FOXP2: variants seen among roughly 807,000 people sequenced by gnomAD.
The protein encoded by FOXP2 is forkhead box P2.
Under a neutral mutation model 115.8 loss-of-function variants are expected in FOXP2, and 12 were observed. That is an observed-to-expected ratio of 0.10 (90% CI 0.07 to 0.17). FOXP2 has a LOEUF of 0.17. Ranked by LOEUF, FOXP2 falls within the 10% of genes least tolerant of loss-of-function variation. The probability of loss-of-function intolerance (pLI) is 1.00; values close to 1 mark genes in which losing one functional copy is unlikely to be tolerated. For missense variants in FOXP2, 629 were observed against 843.5 expected, an observed-to-expected ratio of 0.75 and a Z score of 3.15; for synonymous variants, 328 against 297.7, an observed-to-expected ratio of 1.10 and a Z score of -1.05.
chr7:114,146,476 A>T (rs957902930), intron 1 of FOXP2, among the ~76,000 whole-genome samples: 1 of 152,210 alleles, frequency 6.6e-6, no homozygotes, highest in Non-Finnish European at 1.5e-5. Flanking sequence ...CACTCTGTTA[A>T]TCAGTACAGG....
intron 3 of FOXP2, among the ~76,000 whole-genome samples, chr7:114,540,867 T>A (rs1167565080): frequency 6.6e-6 from 1 of 152,064 alleles, no homozygotes; most frequent in Non-Finnish European, 1.5e-5. Flanking sequence ...TAATAATGAA[T>A]GGGTTGGGGG....
At chr7:114,537,761 T>C (rs1459784213) in intron 3 of FOXP2, among the ~76,000 whole-genome samples, 6 of 151,676 alleles carry the variant, frequency 4.0e-5, no homozygotes, top group African/African-American at 1.4e-4. Context: ...GATATCTGAA[T>C]ATATGTATTT....
At chr7:114,616,907 A>G (rs940386027) in intron 3 of FOXP2, among the ~76,000 whole-genome samples, 4 of 151,932 alleles carry the variant, frequency 2.6e-5, no homozygotes, top group Admixed American at 1.3e-4. Flanking sequence ...AGGCCCTCCC[A>G]TCTCTAAAAA....
chr7:114,659,206 A>C (rs759452140), intron 11 of FOXP2, 150 bp from the exon 12 acceptor site: 1 of 665,556 alleles, frequency 1.5e-6, no homozygotes, highest in Non-Finnish European at 2.7e-6. Flanking sequence ...CCTTTTCCAT[A>C]TAATTCAATT....
At chr7:114,184,398 G>A (rs1389280369) in intron 1 of FOXP2, among the ~76,000 whole-genome samples, 3 of 151,992 alleles carry the variant, frequency 2.0e-5, no homozygotes, top group African/African-American at 4.8e-5. Flanking sequence ...TTTCTTACTC[G>A]TTATTTCCAT....
chr7:114,317,779 A>G (rs1425773755), intron 2 of FOXP2, among the ~76,000 whole-genome samples: 2 of 152,160 alleles, frequency 1.3e-5, no homozygotes, highest in Admixed American at 1.3e-4. Flanking sequence ...GATCTACAAA[A>G]CAGTATACAA....
chr7:114,351,184 T>A (rs1165487018), intron 2 of FOXP2, among the ~76,000 whole-genome samples: 1 of 152,186 alleles, frequency 6.6e-6, no homozygotes, highest in Non-Finnish European at 1.5e-5. Context: ...ATGGCCCATG[T>A]CTGTTGCAAT....
intron 2 of FOXP2, among the ~76,000 whole-genome samples, chr7:114,342,242 A>C (rs990596827): frequency 5.3e-5 from 8 of 151,354 alleles, no homozygotes; most frequent in Admixed American, 4.6e-4. Context: ...GTGGTTTTAA[A>C]TGTAAATTAT....
At chr7:114,665,745 A>T (rs1807127936) in intron 16 of FOXP2, 3 of 152,134 alleles carry the variant, frequency 2.0e-5, no homozygotes, top group Admixed American at 2.0e-4. Flanking sequence ...AACTCAAAGT[A>T]GAAAGAACAT....
At chr7:114,582,942 A>G (rs1465412171) in intron 3 of FOXP2, among the ~76,000 whole-genome samples, 2 of 152,204 alleles carry the variant, frequency 1.3e-5, no homozygotes, top group East Asian at 3.9e-4. Flanking sequence ...TGCCAAGATA[A>G]CATCTTTATA....
intron 1 of FOXP2, among the ~76,000 whole-genome samples, chr7:114,130,469 T>C (rs1173664031): frequency 6.6e-6 from 1 of 152,182 alleles, no homozygotes; most frequent in Non-Finnish European, 1.5e-5. Flanking sequence ...CGTTTATGAT[T>C]GAGGAAACAG....
chr7:114,552,951 G>A (rs1263055004), intron 3 of FOXP2, among the ~76,000 whole-genome samples: 1 of 151,936 alleles, frequency 6.6e-6, no homozygotes, highest in Non-Finnish European at 1.5e-5. Flanking sequence ...TCTGTTCTTG[G>A]TAAGAGATTG....
chr7:114,086,603 C>A (rs1584470141), upstream of FOXP2: 1 of 406,998 alleles, frequency 2.5e-6, no homozygotes, highest in Middle Eastern at 7.6e-4. Context: ...CACGGCGTCC[C>A]CGGTCGCGGT....
At chr7:114,303,115 C>G (rs1796915172) in intron 2 of FOXP2, among the ~76,000 whole-genome samples, 1 of 152,084 alleles carries the variant, frequency 6.6e-6, no homozygotes, top group Admixed American at 6.6e-5. Flanking sequence ...TCAAGTTAGT[C>G]ATAATTTGTT....
chr7:114,580,157 A>G (rs918428491), intron 3 of FOXP2, among the ~76,000 whole-genome samples: 8 of 152,228 alleles, frequency 5.3e-5, no homozygotes, highest in African/African-American at 1.7e-4. Context: ...TCCTTAGAGC[A>G]ATAGAAAGCA....
intron 2 of FOXP2, among the ~76,000 whole-genome samples, chr7:114,452,092 A>AATT (rs764425025): frequency 1.7e-3 from 254 of 152,176 alleles, no homozygotes; most frequent in Non-Finnish European, 2.7e-3. Flanking sequence ...CAAAAATCAT[A>AATT]GGTAAATTTG....
chr7:114,291,254 T>C (rs1245294165), intron 2 of FOXP2, among the ~76,000 whole-genome samples: 1 of 152,140 alleles, frequency 6.6e-6, no homozygotes, highest in East Asian at 1.9e-4. Context: ...AGAAAGGGGA[T>C]GAGAGAACTC....
intron 2 of FOXP2, among the ~76,000 whole-genome samples, chr7:114,335,404 A>C (rs896864609): frequency 6.6e-6 from 1 of 151,942 alleles, no homozygotes; most frequent in Non-Finnish European, 1.5e-5. Context: ...ATCACAAAGA[A>C]ACAATTTATC....
chr7:114,527,123 G>A (rs1053527404), intron 2 of FOXP2, among the ~76,000 whole-genome samples: 7 of 150,644 alleles, frequency 4.6e-5, no homozygotes, highest in Non-Finnish European at 8.8e-5. Context: ...TATCCATGTT[G>A]TAGCAGGTAT....
Sources: gnomAD v4.1 joint callset for allele counts (sites outside exome capture counted in the v4.1 genomes callset) on GRCh38, gnomAD v4.1.1 for gene constraint, MANE v1.5 for transcripts, NCBI Gene and HGNC (gene_info 2026-07-23, HGNC 2026-07-21) for gene names.